The following ABI1 variants were observed in gnomAD, a reference collection of about 807,000 sequenced individuals.
ABI1 encodes the protein abl interactor 1.
A neutral mutation model predicts 54.6 loss-of-function variants in ABI1; 14 were observed. That is an observed-to-expected ratio of 0.26 (90% CI 0.17 to 0.40). The LOEUF is 0.40. Ranked by LOEUF, ABI1 falls within the 10% of genes least tolerant of loss-of-function variation. The pLI is 1.00. For synonymous variants in ABI1, 194 were observed against 209.3 expected, an observed-to-expected ratio of 0.93 and a Z score of 0.63; for missense variants, 443 against 598.3, an observed-to-expected ratio of 0.74 and a Z score of 2.71.
chr10:26,781,361 C>T (rs7907630), intron 2 of ABI1, among the ~76,000 whole-genome samples: 86,775 of 152,142 alleles, frequency 0.57, 26,785 homozygotes, highest in African/African-American at 0.82. Flanking sequence ...CATGAAAAAG[C>T]AGCAGCTTCT....
chr10:26,859,769 T>A (rs1267336098), intron 1 of ABI1, among the ~76,000 whole-genome samples: 1 of 152,240 alleles, frequency 6.6e-6, no homozygotes. Flanking sequence ...ATACATTTAC[T>A]TAGCTTGTTA....
At chr10:26,777,365 AAT>A (rs1431046773) in intron 2 of ABI1, 124 bp from the exon 3 acceptor site, 2 of 632,590 alleles carry the variant, frequency 3.2e-6, no homozygotes, top group Non-Finnish European at 5.1e-6. Context: ...TTTTCCAGTG[AAT>A]ACTATTAAAT....
chr10:26,794,410 A>G (rs1843861512), intron 2 of ABI1, among the ~76,000 whole-genome samples: 1 of 152,016 alleles, frequency 6.6e-6, no homozygotes, highest in South Asian at 2.1e-4. Context: ...CCATGTCTCA[A>G]TAAATAAAAA....
intron 2 of ABI1, among the ~76,000 whole-genome samples, chr10:26,820,460 A>C (rs538438132): frequency 6.6e-6 from 1 of 152,324 alleles, no homozygotes; most frequent in South Asian, 2.1e-4. Flanking sequence ...AAATACTTGC[A>C]AACTAAGCAA....
intron 1 of ABI1, among the ~76,000 whole-genome samples, chr10:26,854,045 C>T (rs746077465): frequency 6.6e-6 from 1 of 152,174 alleles, no homozygotes; most frequent in Admixed American, 6.5e-5. Flanking sequence ...GGTCACACAG[C>T]AGATCCCCAG....
At chr10:26,784,512 G>A (rs113510271) in intron 2 of ABI1, among the ~76,000 whole-genome samples, 2,695 of 149,098 alleles carry the variant, frequency 0.018, 30 homozygotes, top group Non-Finnish European at 0.027. Flanking sequence ...AGCCTGTGCC[G>A]TCTGACTTAA....
At chr10:26,844,099 G>C (rs1007396520) in intron 1 of ABI1, among the ~76,000 whole-genome samples, 1 of 152,180 alleles carries the variant, frequency 6.6e-6, no homozygotes, top group African/African-American at 2.4e-5. Context: ...GTTCAAGTAT[G>C]TTTTTGACTA....
chr10:26,832,239 T>C (rs978628176), intron 1 of ABI1, among the ~76,000 whole-genome samples: 3 of 152,190 alleles, frequency 2.0e-5, no homozygotes, highest in African/African-American at 7.2e-5. Flanking sequence ...CTAGAATTCA[T>C]GAAATACAGT....
At chr10:26,851,684 A>G (rs10829113) in intron 1 of ABI1, among the ~76,000 whole-genome samples, 38,644 of 151,468 alleles carry the variant, frequency 0.26, 5,563 homozygotes, top group South Asian at 0.44. Context: ...AGGACAGGAT[A>G]TGACCCACAG....
rs536667760 is a variant in ABI1 at position 26,855,864 on chromosome 10, G to A, written c.117+4883C>T. Among the ~76,000 whole-genome samples the A allele has an allele frequency of 1.7e-3, 256 of 151,524 alleles. 2 individuals are homozygous for A. Among genetic ancestry groups the A allele is most frequent in the South Asian group, 0.01 (48 of 4,786 alleles). On this transcript the variant is annotated intron_variant, in intron 1 of 10. Transcript: ENST00000376140. Reference sequence around the variant, plus strand: ...TGGGCACCTGTAATCTCAACTACTCGGGAGGCTGGGGTAGGAAAATCACTT... The same window carrying A: ...TGGGCACCTGTAATCTCAACTACTCAGGAGGCTGGGGTAGGAAAATCACTT...
intron 8 of ABI1, among the ~76,000 whole-genome samples, chr10:26,756,437 A>T (rs897375732): frequency 1.3e-5 from 2 of 152,140 alleles, no homozygotes; most frequent in African/African-American, 4.8e-5. Context: ...GTTTCATGGG[A>T]TATCTCAAAA....
chr10:26,844,679 G>C (rs916749645), intron 1 of ABI1, among the ~76,000 whole-genome samples: 2 of 152,216 alleles, frequency 1.3e-5, no homozygotes, highest in Non-Finnish European at 2.9e-5. Context: ...CTGAAAAAGA[G>C]GGGGTCTATA....
At chr10:26,780,531 T>C (rs1457649692) in intron 2 of ABI1, among the ~76,000 whole-genome samples, 3 of 152,202 alleles carry the variant, frequency 2.0e-5, no homozygotes, top group East Asian at 3.8e-4. Context: ...GCAGGTTTAT[T>C]GGACTGATCA....
At chr10:26,834,873 C>T (rs970217465) in intron 1 of ABI1, among the ~76,000 whole-genome samples, 3 of 151,946 alleles carry the variant, frequency 2.0e-5, no homozygotes, top group African/African-American at 7.3e-5. Context: ...GAGGCCGAGG[C>T]GGGCAAATCA....
chr10:26,853,185 A>G lies in ABI1; in HGVS notation c.117+7562T>C, dbSNP rs1243215772. Among the ~76,000 whole-genome samples, 8 of 145,894 alleles carry G rather than the reference A, an allele frequency of 5.5e-5. No homozygotes were observed. The Admixed American group carries it at 5.6e-4, about 10-fold the overall frequency. ...GGGAGGCGGAGCTTGCAGTGAGCCG[A>G]GATCACACCACTGCACTCCGGCCTG... is the stretch of plus-strand genomic sequence containing the variant. On this transcript the variant is annotated intron_variant, in intron 1 of 10. Coordinates refer to ENST00000376140, the MANE Select transcript of ABI1 (RefSeq NM_001012750.3).
intron 2 of ABI1, among the ~76,000 whole-genome samples, chr10:26,813,292 G>A (rs2133603372): frequency 6.6e-6 from 1 of 151,804 alleles, no homozygotes; most frequent in South Asian, 2.1e-4. Flanking sequence ...TAAGAAACTG[G>A]CTGAGGAAAT....
intron 2 of ABI1, among the ~76,000 whole-genome samples, chr10:26,810,202 C>T (rs1044960594): frequency 2.6e-5 from 4 of 152,094 alleles, no homozygotes; most frequent in Admixed American, 2.6e-4. Context: ...TACTGCAGTA[C>T]CCCACTGGTG....
In ABI1 at chr10:26,794,359, T is replaced by A. The variant is rs77457969; in HGVS notation, c.286-17118A>T. Among the ~76,000 whole-genome samples the A allele has an allele frequency of 4.7e-3, 718 of 152,124 alleles. 6 individuals carry two copies. The highest frequency in any genetic ancestry group is 0.014 in the South Asian group (68 of 4,800). ...AGGAGGTTGAAGCTGCAGTAAACAG[T>A]GATCATGCCACTACATTCCAAACTG... is the stretch of plus-strand genomic sequence containing the variant. On this transcript the variant is annotated intron_variant, in intron 2 of 10. Transcript: ENST00000376140.
intron 2 of ABI1, among the ~76,000 whole-genome samples, chr10:26,777,838 C>CT (rs768676088): frequency 2.0e-5 from 3 of 152,072 alleles, no homozygotes; most frequent in Non-Finnish European, 4.4e-5. Context: ...GTAGCTGACA[C>CT]TTTATTTATT....
Sources: allele counts gnomAD v4.1 joint callset (sites outside exome capture counted in the v4.1 genomes callset), GRCh38; gene constraint gnomAD v4.1.1; transcripts MANE v1.5; gene names NCBI Gene and HGNC (gene_info 2026-07-23, HGNC 2026-07-21).